RAB8A: variants seen among roughly 807,000 people sequenced by gnomAD.
The protein encoded by RAB8A is RAB8A, member RAS oncogene family, also known as ras-related protein Rab-8A.
A neutral mutation model predicts 29.2 loss-of-function variants in RAB8A; 5 were observed. That is an observed-to-expected ratio of 0.17 (90% CI 0.09 to 0.36). The LOEUF is 0.36. Ranked by LOEUF, RAB8A falls within the 10% of genes least tolerant of loss-of-function variation. The pLI is 1.00. For synonymous variants in RAB8A, 108 were observed against 99.9 expected (o/e 1.08, Z -0.49); for missense variants, 171 against 272.2 (o/e 0.63, Z 2.62).
At chr19:16,120,380 T>G (rs1164656782) in intron 2 of RAB8A, among the ~76,000 whole-genome samples, 1 of 150,722 alleles carries the variant, frequency 6.6e-6, no homozygotes, top group Non-Finnish European at 1.5e-5. Context: ...TGGCATGATC[T>G]CAGCTCACTG....
chr19:16,125,002 C>A lies in RAB8A; in HGVS notation c.247-468C>A. ...TTGTGTGGATGTCGGGTCAGGACTT[C>A]CTGGGCTCAGTTGTGCCTGGTAGGT... On this transcript the variant is annotated intron_variant, in intron 3 of 7. Transcript: ENST00000300935. The surrounding 1 kb of genome is among the most constrained non-coding windows in gnomAD (Gnocchi z 5.0). 1.6e-5 allele frequency: 3 copies of A among 184,494 alleles called. No individual in the cohort carries two copies. The highest frequency in any genetic ancestry group is 1.1e-4 in the South Asian group (1 of 8,862). The allele number at this position is 184,494 out of a possible 1,614,324, so 11.4% of individuals were successfully genotyped here.
intron 2 of RAB8A, among the ~76,000 whole-genome samples, chr19:16,119,940 A>G (rs1416225507): frequency 3.9e-5 from 6 of 151,918 alleles, no homozygotes; most frequent in Non-Finnish European, 8.8e-5. Flanking sequence ...CGGCCTCCCA[A>G]GTAGCTGGGA....
In RAB8A at chr19:16,127,035, C is replaced by T. The variant is rs752347555; in HGVS notation, c.325-402C>T. The T allele has an allele frequency of 4.4e-5, 7 of 158,790 alleles. No individual in the cohort carries two copies. Among genetic ancestry groups the T allele is most frequent in the Non-Finnish European group, 8.3e-5 (6 of 72,716 alleles). 9.8% of individuals were successfully genotyped at this position (158,790 alleles called of 1,614,324 possible). A position where few individuals can be genotyped will look rare whatever the true frequency, so the allele number is the denominator to read the frequency against. On this transcript the variant is annotated intron_variant, in intron 4 of 7. Coordinates refer to ENST00000300935, the MANE Select transcript of RAB8A (RefSeq NM_005370.5). This position sits in a 1 kb window ranked among gnomAD's most constrained non-coding sequence, Gnocchi z 4.8. ...AGTGTCAAAGCAGAAGGTCCCAGGA[C>T]AACAGCTGGGGCCTCTTGCAGAGGA...
rs558096021 is a variant in RAB8A at position 16,132,249 on chromosome 19, A to G, written c.569A>G (p.Lys190Arg). Residue 190 changes from lysine (K) to arginine (R), a missense_variant, in exon 8 of 8, where the codon AAA (lysine) becomes AGA (arginine). Lys to Arg is a conservative substitution (Grantham distance 26, BLOSUM62 2). This residue lies in a region of RAB8A where 145 missense variants were observed against 212.8 expected (regional missense o/e 0.68). Coordinates refer to ENST00000300935, the MANE Select transcript of RAB8A (RefSeq NM_005370.5). This position sits in a 1 kb window ranked among gnomAD's most constrained non-coding sequence, Gnocchi z 5.6. ...CCCCAGGGGAGCAACCAGGGAGTCA[A>G]AATCACACCGGACCAGCAGAAGAGG... Reference protein sequence around the residue: ...NSPQGSNQGVKITPDQQKRSS... With the variant: ...NSPQGSNQGVRITPDQQKRSS... 1.2e-6 allele frequency: 2 copies of G among 1,614,108 alleles called. No individual in the cohort carries two copies. The highest frequency in any genetic ancestry group is 1.1e-5 in the South Asian group (1 of 91,078).
At chr19:16,128,663 G>A (rs973121887) in intron 6 of RAB8A, among the ~76,000 whole-genome samples, 4 of 152,202 alleles carry the variant, frequency 2.6e-5, no homozygotes, top group African/African-American at 9.7e-5. Context: ...TGGCGTGGAA[G>A]GCCCTCCCTC....
chr19:16,121,723 G>A (rs1412558074), intron 2 of RAB8A, 27 bp from the exon 3 acceptor site: 1 of 1,605,384 alleles, frequency 6.2e-7, no homozygotes, highest in East Asian at 2.2e-5. Context: ...CTTTAATGTT[G>A]CTAATATCCC....
intron 4 of RAB8A, chr19:16,126,175 A>G (rs2090900357): frequency 5.7e-6 from 1 of 176,382 alleles, no homozygotes; most frequent in African/African-American, 2.3e-5. Flanking sequence ...TCCCATCTAT[A>G]AAACCACAGC....
At chr19:16,128,332 G>T (rs1003298406) in intron 6 of RAB8A, among the ~76,000 whole-genome samples, 1 of 152,154 alleles carries the variant, frequency 6.6e-6, no homozygotes, top group Non-Finnish European at 1.5e-5. Context: ...CGCATCTCAC[G>T]GGCTCTTGGG....
intron 3 of RAB8A, chr19:16,123,992 C>G (rs1012268117): frequency 6.6e-6 from 1 of 152,104 alleles, no homozygotes; most frequent in African/African-American, 2.4e-5. Flanking sequence ...TCCAGGTTCT[C>G]CCCTCAGCTC....
intron 1 of RAB8A, among the ~76,000 whole-genome samples, chr19:16,114,339 C>G (rs2090836890): frequency 6.7e-6 from 1 of 149,376 alleles, no homozygotes; most frequent in Non-Finnish European, 1.5e-5. Context: ...TGCATTCACT[C>G]AGATCCCAGT....
At position 16,115,143 on chromosome 19, in the gene RAB8A, CCA is replaced by C. The variant is rs1297525568; in HGVS notation, c.125-3082_125-3081del. Among the ~76,000 whole-genome samples, 492 of 152,230 alleles carry C rather than the reference CCA, an allele frequency of 3.2e-3. 3 individuals are homozygous for C. Among genetic ancestry groups the C allele is most frequent in the African/African-American group, 0.011 (476 of 41,534 alleles). On this transcript the variant is annotated intron_variant, in intron 1 of 7. Coordinates refer to ENST00000300935, the MANE Select transcript of RAB8A (RefSeq NM_005370.5). ...GCTTAAAGGTGATTCCATAAATTAG[CCA>C]TACGTGGTGGCGCTTGCCTGTATTC...
chr19:16,129,512 G>T, intron 6 of RAB8A, 42 bp from the exon 7 acceptor site: 2 of 1,602,056 alleles, frequency 1.2e-6, no homozygotes, highest in South Asian at 1.1e-5. Context: ...GAGGACTCAG[G>T]GTCCTGCCAT....
intron 1 of RAB8A, among the ~76,000 whole-genome samples, chr19:16,114,076 TG>T: frequency 6.6e-6 from 1 of 152,144 alleles, no homozygotes; most frequent in African/African-American, 2.4e-5. Flanking sequence ...TAATTCAGCC[TG>T]GGCAACATGG....
chr19:16,121,877 T>C, intron 3 of RAB8A, 67 bp downstream of exon 3: 1 of 1,457,266 alleles, frequency 6.9e-7, no homozygotes, highest in Non-Finnish European at 9.6e-7. Context: ...CACTGTGCAT[T>C]GGTTACCGAA....
Position 16,127,843 on chromosome 19 carries a change from G to C in RAB8A, c.415-183G>C. ...GCCATCCCCAGCAACTCCATGCCCT[G>C]TGAGGCCCTGTGGAGGGGCATTCAC... On this transcript the variant is annotated intron_variant, in intron 5 of 7. Transcript: ENST00000300935. This position sits in a 1 kb window ranked among gnomAD's most constrained non-coding sequence, Gnocchi z 4.8. 1 of 673,280 alleles carries C rather than the reference G, an allele frequency of 1.5e-6. No homozygotes were observed. The highest frequency in any genetic ancestry group is 2.6e-6 in the Non-Finnish European group (1 of 377,382). The allele number at this position is 673,280 out of a possible 1,614,324, so 41.7% of individuals were successfully genotyped here.
chr19:16,113,901 G>A (rs895765196), intron 1 of RAB8A, among the ~76,000 whole-genome samples: 2 of 152,012 alleles, frequency 1.3e-5, no homozygotes, highest in Non-Finnish European at 2.9e-5. Context: ...GACAATAAGG[G>A]GTTGTCACCA....
chr19:16,132,180 T>C lies in RAB8A; in HGVS notation c.532-32T>C. On this transcript the variant is annotated intron_variant, in intron 7 of 7. Coordinates refer to ENST00000300935, the MANE Select transcript of RAB8A (RefSeq NM_005370.5). This position sits in a 1 kb window ranked among gnomAD's most constrained non-coding sequence, Gnocchi z 5.6. ...TGTGAGACGTAGTGCTGATTCTCAG[T>C]GATAACCTCAGAAAACCTCTTGTGA... The C allele has an allele frequency of 6.6e-7, 1 of 1,524,326 alleles. No individual in the cohort carries two copies. The highest frequency in any genetic ancestry group is 9.1e-7 in the Non-Finnish European group (1 of 1,098,396). 94.4% of individuals were successfully genotyped at this position (1,524,326 alleles called of 1,614,324 possible). A position where few individuals can be genotyped will look rare whatever the true frequency, so the allele number is the denominator to read the frequency against.
intron 1 of RAB8A, among the ~76,000 whole-genome samples, chr19:16,113,196 G>C (rs1568318186): frequency 6.6e-6 from 1 of 152,176 alleles, no homozygotes; most frequent in African/African-American, 2.4e-5. Context: ...TATTTGAGTG[G>C]CTTGTGAGCT....
Position 16,125,437 on chromosome 19 carries a change from G to C in RAB8A, c.247-33G>C, listed in dbSNP as rs183072612. On this transcript the variant is annotated intron_variant, in intron 3 of 7. Coordinates refer to ENST00000300935, the MANE Select transcript of RAB8A (RefSeq NM_005370.5). The surrounding 1 kb of genome is among the most constrained non-coding windows in gnomAD (Gnocchi z 5.0). ...GGCCTCCCTTCCAGAGCCTGCAGCC[G>C]ATCAGGCACCTGTGTCTTCTCTCCC... 279 of 1,593,156 alleles carry C rather than the reference G, an allele frequency of 1.8e-4. 3 individuals are homozygous for C. The East Asian group carries it at 5.1e-3, about 29-fold the overall frequency.
Sources: gnomAD v4.1 joint callset for allele counts (sites outside exome capture counted in the v4.1 genomes callset) on GRCh38, gnomAD v4.1.1 for gene constraint, gnomAD v4.1.1 regional missense constraint, Gnocchi (gnomAD v3.1) non-coding constraint, MANE v1.5 for transcripts, NCBI Gene and HGNC (gene_info 2026-07-23, HGNC 2026-07-21) for gene names.